MYO19: variants seen among roughly 807,000 people sequenced by gnomAD.
The protein encoded by MYO19 is unconventional myosin-XIX.
A neutral mutation model predicts 129.2 loss-of-function variants in MYO19; 132 were observed. The observed-to-expected ratio is 1.02, with a 90% CI of 0.89 to 1.18. MYO19 has a LOEUF of 1.18. Ranked by LOEUF, MYO19 falls within the 50% of genes most tolerant of loss-of-function variation. The probability of loss-of-function intolerance (pLI) is 0.00; values close to 1 mark genes in which losing one functional copy is unlikely to be tolerated. For synonymous variants in MYO19, 531 were observed against 477.2 expected (o/e 1.11, Z -1.47); for missense variants, 1,210 against 1,216.7 (o/e 0.99, Z 0.08).
At chr17:36,504,181 G>C (rs1599244008) in intron 19 of MYO19, 161 bp from the exon 20 acceptor site, 1 of 527,140 alleles carries the variant, frequency 1.9e-6, no homozygotes, top group East Asian at 3.3e-5. Flanking sequence ...GTGAGAAATC[G>C]AGGGACCTTG....
At chr17:36,503,898 T>TC in intron 20 of MYO19, 52 bp downstream of exon 20, 1 of 1,417,428 alleles carries the variant, frequency 7.1e-7, no homozygotes, top group Non-Finnish European at 9.4e-7. Flanking sequence ...ATGAGAGTCC[T>TC]GAGCCCCACT....
intron 11 of MYO19, 38 bp from the exon 12 acceptor site, chr17:36,511,493 G>A: frequency 6.5e-7 from 1 of 1,536,442 alleles, no homozygotes; most frequent in Non-Finnish European, 8.8e-7. Flanking sequence ...GTAGGAGAGG[G>A]CGTGACGTGG....
At chr17:36,511,496 T>A in intron 11 of MYO19, 41 bp from the exon 12 acceptor site, 1 of 1,531,656 alleles carries the variant, frequency 6.5e-7, no homozygotes, top group Non-Finnish European at 8.9e-7. Context: ...GGAGAGGGCG[T>A]GACGTGGGCC....
At position 36,528,166 on chromosome 17, in the gene MYO19, T is replaced by C. The variant is rs2073600736; in HGVS notation, c.49A>G (p.Arg17Gly). Residue 17 changes from arginine (R) to glycine (G), a missense_variant, in exon 4 of 26, where the codon AGG becomes GGG. Coordinates refer to ENST00000614623, the MANE Select transcript of MYO19 (RefSeq NM_001163735.2). ...TGCAGGTCTTCTCTGAGGTACTCCC[T>C]GGCTTGGCCATCAGACCCCGGATTG... ...GHNPGSDGQAREYLREDLQEF... is the reference protein window; with the variant it reads ...GHNPGSDGQAGEYLREDLQEF... 1 of 1,605,728 alleles carries C rather than the reference T, an allele frequency of 6.2e-7. No homozygotes were observed. Among genetic ancestry groups the C allele is most frequent in the Non-Finnish European group, 8.5e-7 (1 of 1,175,920 alleles).
intron 3 of MYO19, among the ~76,000 whole-genome samples, chr17:36,530,652 G>A (rs1001560632): frequency 1.3e-5 from 2 of 149,864 alleles, no homozygotes; most frequent in East Asian, 2.0e-4. Context: ...ACAGAGTCTC[G>A]CTCTATCGCC....
At chr17:36,498,596 A>C in intron 24 of MYO19, 37 bp from the exon 25 acceptor site, 1 of 1,559,402 alleles carries the variant, frequency 6.4e-7, no homozygotes, top group Non-Finnish European at 8.7e-7. Flanking sequence ...CTTTAGATTT[A>C]TCTAGCCCTC....
chr17:36,538,028 C>G, upstream of MYO19: 1 of 1,614,038 alleles, frequency 6.2e-7, no homozygotes, highest in Non-Finnish European at 8.5e-7. Context: ...TAATCTCTAC[C>G]CTGGGGTATG....
upstream of MYO19, among the ~76,000 whole-genome samples, chr17:36,536,096 A>G (rs2074113313): frequency 6.6e-6 from 1 of 152,176 alleles, no homozygotes; most frequent in South Asian, 2.1e-4. Context: ...TTTTCAGACA[A>G]TGATGTGTGG....
intron 12 of MYO19, 36 bp downstream of exon 12, chr17:36,511,329 G>A: frequency 1.3e-6 from 2 of 1,551,734 alleles, no homozygotes; most frequent in Non-Finnish European, 1.7e-6. Flanking sequence ...CTACCTTCCT[G>A]ACAGGGCCTG....
rs751744769 is a variant in MYO19, at chr17:36,515,075, C to T, written c.617+38G>A. The T allele has an allele frequency of 4.1e-5, 64 of 1,573,546 alleles. No homozygotes were observed. In the South Asian group the frequency reaches 7.2e-4, roughly 18 times the overall value. ...CCCAGCCACTTTCAACCTCCCCAGT[C>T]CCATCCTCCCACTAGCCAGGGCAAC... is the stretch of plus-strand genomic sequence containing the variant. On this transcript the variant is annotated intron_variant, in intron 8 of 25. Transcript: ENST00000614623.
chr17:36,498,983 C>T (rs2142713630), intron 24 of MYO19, 92 bp downstream of exon 24: 2 of 1,018,846 alleles, frequency 2.0e-6, no homozygotes, highest in East Asian at 2.6e-5. Context: ...AGGCCACCTG[C>T]ATTGCAGTGG....
intron 23 of MYO19, chr17:36,499,908 G>C (rs1187993058): frequency 6.6e-6 from 1 of 151,110 alleles, no homozygotes; most frequent in Non-Finnish European, 1.5e-5. Flanking sequence ...ACCCAGGCTG[G>C]AGTGTAATGG....
chr17:36,522,140 C>T (rs566782107), intron 6 of MYO19, among the ~76,000 whole-genome samples: 1 of 151,860 alleles, frequency 6.6e-6, no homozygotes, highest in Non-Finnish European at 1.5e-5. Flanking sequence ...AAATATCCAT[C>T]AGATTTGAGG....
chr17:36,537,371 G>A, upstream of MYO19: 1 of 1,613,200 alleles, frequency 6.2e-7, no homozygotes, highest in Non-Finnish European at 8.5e-7. Flanking sequence ...TTATCTTTGG[G>A]GCAGGGCTGT....
chr17:36,537,165 A>T, upstream of MYO19: 1 of 1,613,772 alleles, frequency 6.2e-7, no homozygotes, highest in Non-Finnish European at 8.5e-7. Flanking sequence ...CGTGCTGGAA[A>T]TCACCCAGGG....
rs543170683 is a variant in MYO19 at position 36,509,284 on chromosome 17, TC to T, written c.1158-150del. 43 of 679,108 alleles carry T rather than the reference TC, an allele frequency of 6.3e-5. 1 individual carries two copies. In the South Asian group the frequency reaches 7.3e-4, roughly 12 times the overall value. 42.1% of individuals were successfully genotyped at this position (679,108 alleles called of 1,614,324 possible). On this transcript the variant is annotated intron_variant, in intron 13 of 25. Coordinates refer to ENST00000614623, the MANE Select transcript of MYO19 (RefSeq NM_001163735.2). Reference sequence around the variant, plus strand: ...AAAGACCAAATCCTCTCCTCTTGCTTCCGGCCTATCACGTCTTGACCTACTA... The same window carrying T: ...AAAGACCAAATCCTCTCCTCTTGCTTCGGCCTATCACGTCTTGACCTACTA...
intron 6 of MYO19, among the ~76,000 whole-genome samples, chr17:36,523,028 A>AC (rs1232445460): frequency 2.0e-5 from 3 of 151,146 alleles, no homozygotes; most frequent in African/African-American, 7.3e-5. Context: ...AAAAAACAAA[A>AC]AAAAAAAACT....
intron 6 of MYO19, among the ~76,000 whole-genome samples, chr17:36,517,827 G>C (rs1204800995): frequency 6.6e-6 from 1 of 151,860 alleles, no homozygotes; most frequent in Non-Finnish European, 1.5e-5. Context: ...GGTGGCTCAC[G>C]CCTGTAATCC....
At chr17:36,508,880 G>A in intron 14 of MYO19, 182 bp downstream of exon 14, 1 of 622,810 alleles carries the variant, frequency 1.6e-6, no homozygotes, top group Non-Finnish European at 2.9e-6. Flanking sequence ...GTGGGTGCAG[G>A]AGAGCAGAGA....
Sources: gnomAD v4.1 joint callset for allele counts (sites outside exome capture counted in the v4.1 genomes callset) on GRCh38, gnomAD v4.1.1 for gene constraint, MANE v1.5 for transcripts, NCBI Gene and HGNC (gene_info 2026-07-23, HGNC 2026-07-21) for gene names.